The following NSD1 variants were observed in gnomAD, a reference collection of about 807,000 sequenced individuals.
NSD1 encodes nuclear receptor binding SET domain protein 1, also known as histone-lysine N-methyltransferase, H3 lysine-36 specific.
A neutral mutation model predicts 242.7 loss-of-function variants in NSD1; 26 were observed. The observed-to-expected ratio is 0.11, with a 90% CI of 0.08 to 0.15. The LOEUF is 0.15. NSD1 is among the 10% of genes least tolerant of loss of function. The probability of loss-of-function intolerance (pLI) is 1.00; values close to 1 mark genes in which losing one functional copy is unlikely to be tolerated. For missense variants in NSD1, 2,495 were observed against 3,272.8 expected (o/e 0.76, Z 5.80); for synonymous variants, 1,106 against 1,178.1 (o/e 0.94, Z 1.25).
In NSD1 at chr5:177,266,147, T is replaced by G. The variant is rs540472946; in HGVS notation, c.5147-1415T>G. ...GAGGCTATTGGGCGCCAGCCACTTG[T>G]CCGGGCATAGAGCACAGTGTTGAGC... is the stretch of plus-strand genomic sequence containing the variant. On this transcript the variant is annotated intron_variant, in intron 14 of 22. Coordinates refer to ENST00000439151, the MANE Select transcript of NSD1 (RefSeq NM_022455.5). 1.1e-4 allele frequency: 116 copies of G among 1,100,030 alleles called. No homozygotes were observed. In the African/African-American group the frequency reaches 1.6e-3, roughly 15 times the overall value. The allele number at this position is 1,100,030 out of a possible 1,614,324, so 68.1% of individuals were successfully genotyped here.
intron 16 of NSD1, among the ~76,000 whole-genome samples, chr5:177,271,192 C>G (rs573683998): frequency 6.0e-4 from 92 of 152,084 alleles, no homozygotes; most frequent in Non-Finnish European, 9.6e-4. Flanking sequence ...AAATACCTGC[C>G]GGGATTTTGG....
At chr5:177,202,177 A>G (rs1762560067) in intron 3 of NSD1, among the ~76,000 whole-genome samples, 1 of 151,962 alleles carries the variant, frequency 6.6e-6, no homozygotes, top group Non-Finnish European at 1.5e-5. Flanking sequence ...TCAGAAAAAA[A>G]AAAAAAAGTT....
chr5:177,279,313 C>T (rs1758649357), intron 17 of NSD1, among the ~76,000 whole-genome samples: 1 of 152,134 alleles, frequency 6.6e-6, no homozygotes, highest in Non-Finnish European at 1.5e-5. Flanking sequence ...GCCTGGCCAA[C>T]ATAGTGAAAC....
At chr5:177,139,620 A>G (rs1205508945) in intron 2 of NSD1, among the ~76,000 whole-genome samples, 1 of 152,196 alleles carries the variant, frequency 6.6e-6, no homozygotes, top group Admixed American at 6.5e-5. Context: ...TATGCTGGGA[A>G]TTTTAGAAAA....
rs6872201 is a variant in NSD1, at chr5:177,293,765, A to G, written c.6464-67A>G. On this transcript the variant is annotated intron_variant, in intron 22 of 22. Transcript: ENST00000439151. ...ATCATCCACACCTTCGGACTGTAGC[A>G]TAGCCTTGGCCCATGTGATATGTAT... 842,903 of 1,564,426 alleles carry G rather than the reference A, an allele frequency of 0.54. 232,960 individuals are homozygous for G. The highest frequency in any genetic ancestry group is 0.59 in the Admixed American group (35,159 of 59,726).
rs587784203 is a variant in NSD1, at chr5:177,293,848, G to A, written c.6480G>A (p.Pro2160=). ...TKRPAGKWEC[P]WHQCDICGKE... ...TGTTTTCAGGGAAATGGGAATGTCC[G>A]TGGCATCAGTGTGACATCTGCGGGA... Residue 2160 remains proline, a synonymous_variant, in exon 23 of 23, where the codon CCG becomes CCA. Transcript: ENST00000439151. 9.3e-6 allele frequency: 15 copies of A among 1,613,912 alleles called. No individual in the cohort carries two copies. Among genetic ancestry groups the A allele is most frequent in the East Asian group, 2.2e-5 (1 of 44,886 alleles).
At chr5:177,174,996 C>T (rs1360481121) in intron 2 of NSD1, among the ~76,000 whole-genome samples, 3 of 150,746 alleles carry the variant, frequency 2.0e-5, no homozygotes, top group African/African-American at 7.3e-5. Context: ...CTCAGCCTCC[C>T]GAGTAGCTAG....
At chr5:177,133,708 C>CGGCGCGA (rs923899150), upstream of NSD1, 1 of 148,290 alleles carries the variant, frequency 6.7e-6, no homozygotes, top group Non-Finnish European at 1.5e-5. The surrounding 1 kb of genome is among the most constrained non-coding windows in gnomAD (Gnocchi z 6.2). Flanking sequence ...GCACGCGGGC[C>CGGCGCGA]GGCGCGAGGC....
chr5:177,248,395 T>G (rs1766466800), intron 11 of NSD1, 71 bp downstream of exon 11: 1 of 1,513,222 alleles, frequency 6.6e-7, no homozygotes. Context: ...CTCCATCTCT[T>G]TATGATGGTT....
In NSD1 at chr5:177,193,765, T is replaced by TTTG. The variant is rs757472609; in HGVS notation, c.1063+1764_1063+1766dup. On this transcript the variant is annotated intron_variant, in intron 3 of 22. Coordinates refer to ENST00000439151, the MANE Select transcript of NSD1 (RefSeq NM_022455.5). ...AACAGGCAACCAATTGATATTAATT[T>TTTG]TTGTTGTTGTTGTTGTTGTTTTGTT... Among the ~76,000 whole-genome samples, 16 of 152,058 alleles carry TTTG rather than the reference T, an allele frequency of 1.1e-4. 1 individual carries two copies. The South Asian group carries it at 1.5e-3, about 14-fold the overall frequency.
intron 4 of NSD1, among the ~76,000 whole-genome samples, chr5:177,209,341 AAT>A (rs142392636): frequency 6.6e-6 from 1 of 151,928 alleles, no homozygotes; most frequent in African/African-American, 2.4e-5. Context: ...CAGCCTGGCC[AAT>A]ATGGTGAAAC....
chr5:177,282,919 T>C (rs2127261551), intron 19 of NSD1, among the ~76,000 whole-genome samples: 1 of 152,350 alleles, frequency 6.6e-6, no homozygotes, highest in East Asian at 1.9e-4. Context: ...AATTGTTAAA[T>C]ATTTAATTAT....
In NSD1 at chr5:177,297,703, C is replaced by T. The variant is rs369006450; in HGVS notation, c.*2244C>T. ...GCGTGCAGGCCATGTAAAAATTTTCCGTGGAGAAGTTTGATTCTAAAGTAG... is the reference window on the plus strand; with the variant it reads ...GCGTGCAGGCCATGTAAAAATTTTCTGTGGAGAAGTTTGATTCTAAAGTAG... On this transcript the variant is annotated 3_prime_UTR_variant, in exon 23 of 23. Coordinates refer to ENST00000439151, the MANE Select transcript of NSD1 (RefSeq NM_022455.5). 2.7e-4 allele frequency: 63 copies of T among 232,042 alleles called. No homozygotes were observed. Among genetic ancestry groups the T allele is most frequent in the African/African-American group, 2.0e-4 (9 of 45,156 alleles). The allele number at this position is 232,042 out of a possible 1,614,324, so 14.4% of individuals were successfully genotyped here.
chr5:177,212,129 A>G lies in NSD1; in HGVS notation c.3730A>G (p.Ile1244Val). Reference protein sequence around the residue: ...LNVCDKSSASIGDMEKEPGIP... With the variant: ...LNVCDKSSASVGDMEKEPGIP... ...TGTTTGTGATAAATCCAGTGCCAGC[A>G]TTGGTGACATGGAAAAGGAGCCAGG... The change falls in exon 5 of 23, where the codon ATT (isoleucine) becomes GTT (valine). Residue 1244 changes from isoleucine (I) to valine (V), a missense_variant. By Grantham distance (29) the Ile-to-Val change is conservative. Transcript: ENST00000439151. 1 of 1,614,130 alleles carries G rather than the reference A, an allele frequency of 6.2e-7. No individual in the cohort carries two copies. Among genetic ancestry groups the G allele is most frequent in the Non-Finnish European group, 8.5e-7 (1 of 1,180,032 alleles).
chr5:177,154,862 A>C (rs1757994456), intron 2 of NSD1, among the ~76,000 whole-genome samples: 1 of 150,758 alleles, frequency 6.6e-6, no homozygotes, highest in South Asian at 2.1e-4. Context: ...TGCTCGGCTA[A>C]TTTTTGTATT....
intron 14 of NSD1, chr5:177,265,608 A>C (rs1757367081): frequency 2.1e-6 from 3 of 1,460,484 alleles, no homozygotes; most frequent in Non-Finnish European, 2.9e-6. Flanking sequence ...GACAGGTCGC[A>C]CAGATGGCCC....
rs780294968 is a variant in NSD1, at chr5:177,191,925, T to C, written c.969T>C (p.Val323=). 8.7e-6 allele frequency: 14 copies of C among 1,614,194 alleles called. No homozygotes were observed. Among genetic ancestry groups the C allele is most frequent in the Non-Finnish European group, 1.2e-5 (14 of 1,180,022 alleles). Residue 323 remains valine (V), a synonymous_variant, in exon 3 of 23, where the codon GTT becomes GTC. Coordinates refer to ENST00000439151, the MANE Select transcript of NSD1 (RefSeq NM_022455.5). ...KKKSTPLKYE[V]GDLIWAKFKR... ...AGTCTACGCCACTGAAGTATGAAGT[T>C]GGAGATCTCATCTGGGCAAAATTCA...
intron 2 of NSD1, among the ~76,000 whole-genome samples, chr5:177,179,635 A>C (rs1581219208): frequency 6.6e-6 from 1 of 152,218 alleles, no homozygotes; most frequent in African/African-American, 2.4e-5. Flanking sequence ...CTTTCTTATC[A>C]CCCTCTTGGG....
intron 13 of NSD1, among the ~76,000 whole-genome samples, chr5:177,257,842 A>T (rs756020174): frequency 0.068 from 9,783 of 142,936 alleles, 400 homozygotes; most frequent in African/African-American, 0.12. Context: ...ATTTTATTTT[A>T]TTTTTTTTTG....
Sources: allele counts gnomAD v4.1 joint callset (sites outside exome capture counted in the v4.1 genomes callset), GRCh38; gene constraint gnomAD v4.1.1; non-coding constraint Gnocchi (gnomAD v3.1); transcripts MANE v1.5; gene names NCBI Gene and HGNC (gene_info 2026-07-23, HGNC 2026-07-21).